Variants in MINDY3 observed in about 807,000 individuals in gnomAD.
MINDY3 encodes the protein ubiquitin carboxyl-terminal hydrolase MINDY-3.
Under a neutral mutation model 69.2 loss-of-function variants are expected in MINDY3, and 38 were observed. The observed-to-expected ratio is 0.55, with a 90% CI of 0.42 to 0.72. The LOEUF is 0.72. Ranked by LOEUF, MINDY3 falls within the 30% of genes least tolerant of loss-of-function variation. The probability of loss-of-function intolerance (pLI) is 0.00; values close to 1 mark genes in which losing one functional copy is unlikely to be tolerated. For synonymous variants in MINDY3, 192 were observed against 180.1 expected (o/e 1.07, Z -0.53); for missense variants, 522 against 519.0 (o/e 1.01, Z -0.06).
At chr10:15,858,521 G>A (rs1253678899) in intron 1 of MINDY3, among the ~76,000 whole-genome samples, 1 of 152,180 alleles carries the variant, frequency 6.6e-6, no homozygotes, top group Non-Finnish European at 1.5e-5. Context: ...CAGATAGTGT[G>A]CTAAGCACCT....
At chr10:15,818,611 A>AGAT (rs1839537696) in intron 9 of MINDY3, among the ~76,000 whole-genome samples, 2 of 152,228 alleles carry the variant, frequency 1.3e-5, no homozygotes, top group Admixed American at 6.5e-5. Context: ...ACTGATGAAC[A>AGAT]GATAAAATTG....
chr10:15,837,158 T>A (rs1394557530), intron 6 of MINDY3, 46 bp downstream of exon 6: 2 of 1,094,688 alleles, frequency 1.8e-6, no homozygotes, highest in Non-Finnish European at 2.7e-6. Context: ...AAAACAGCAC[T>A]GAACAACATT....
intron 2 of MINDY3, among the ~76,000 whole-genome samples, chr10:15,844,933 C>A (rs1833725177): frequency 6.6e-6 from 1 of 152,142 alleles, no homozygotes; most frequent in African/African-American, 2.4e-5. Context: ...AAGCATCATT[C>A]CACCTGTTAT....
intron 8 of MINDY3, among the ~76,000 whole-genome samples, chr10:15,826,495 T>C (rs1328065038): frequency 1.3e-5 from 2 of 152,194 alleles, no homozygotes; most frequent in South Asian, 2.1e-4. Flanking sequence ...TGTAAAGATA[T>C]AATTTCCTCA....
At chr10:15,785,680 A>G (rs1836900585) in intron 13 of MINDY3, among the ~76,000 whole-genome samples, 1 of 152,184 alleles carries the variant, frequency 6.6e-6, no homozygotes, top group Non-Finnish European at 1.5e-5. Context: ...ACATTGTGAT[A>G]TCCTCAGTTA....
At chr10:15,796,880 G>A (rs916246473) in intron 10 of MINDY3, among the ~76,000 whole-genome samples, 4 of 151,982 alleles carry the variant, frequency 2.6e-5, no homozygotes, top group Admixed American at 6.6e-5. Flanking sequence ...AAGCCATTAT[G>A]AAATTCTACT....
chr10:15,834,581 T>G lies in MINDY3; in HGVS notation c.612A>C (p.Ala204=). Reference sequence around the variant, plus strand: ...ATACAGGATCTATCAAGGGTTCACTTGCATCTTCAATTTCGTTTTTTATGT... The same window carrying G: ...ATACAGGATCTATCAAGGGTTCACTGGCATCTTCAATTTCGTTTTTTATGT... ...IENIKNEIED[A]SEPLIDPVYG... Residue 204 remains alanine (A), a synonymous_variant, in exon 7 of 15, where the codon GCA becomes GCC. Coordinates refer to ENST00000277632, the MANE Select transcript of MINDY3 (RefSeq NM_024948.4). 3.1e-6 allele frequency: 5 copies of G among 1,612,010 alleles called. No homozygotes were observed. Among genetic ancestry groups the G allele is most frequent in the Non-Finnish European group, 4.2e-6 (5 of 1,178,692 alleles).
At chr10:15,812,324 T>C (rs1174138465) in intron 10 of MINDY3, among the ~76,000 whole-genome samples, 4 of 152,228 alleles carry the variant, frequency 2.6e-5, no homozygotes, top group Non-Finnish European at 5.9e-5. Context: ...ATTCATGTGT[T>C]AAATATTACT....
chr10:15,821,538 G>A lies in MINDY3; in HGVS notation c.801+118C>T, dbSNP rs72781880. The A allele has an allele frequency of 5.8e-5, 38 of 658,400 alleles. No homozygotes were observed. The African/African-American group carries it at 6.4e-4, about 11-fold the overall frequency. The allele number at this position is 658,400 out of a possible 1,614,324, so 40.8% of individuals were successfully genotyped here. ...TAGGGTGGGGGATAGGAAGGAAGAAGAGAGCGGTACTGAACCATAGTGCTG... is the reference window on the plus strand; with the variant it reads ...TAGGGTGGGGGATAGGAAGGAAGAAAAGAGCGGTACTGAACCATAGTGCTG... On this transcript the variant is annotated intron_variant, in intron 9 of 14. Transcript: ENST00000277632.
At chr10:15,825,841 T>C (rs551074403) in intron 8 of MINDY3, among the ~76,000 whole-genome samples, 25 of 152,302 alleles carry the variant, frequency 1.6e-4, no homozygotes, top group African/African-American at 6.0e-4. Flanking sequence ...GTAATACTGA[T>C]TTCTTTTTAT....
Position 15,841,443 on chromosome 10 carries a change from C to A in MINDY3, c.392G>T (p.Cys131Phe). The A allele has an allele frequency of 6.2e-7, 1 of 1,609,714 alleles. No homozygotes were observed. The highest frequency in any genetic ancestry group is 8.5e-7 in the Non-Finnish European group (1 of 1,177,796). The part of the protein sequence containing the change: ...SISGSPAESS[C>F]QVEHSSALAV... ...TATCTTACAAGAATGTTCCACTTGG[C>A]AACTAGACTCTGCAGGACTCCCAGA... Residue 131 changes from cysteine (C) to phenylalanine (F), a missense_variant, in exon 4 of 15, where the codon TGC becomes TTC. Cys to Phe is a radical substitution (Grantham distance 205). Transcript: ENST00000277632.
intron 8 of MINDY3, among the ~76,000 whole-genome samples, chr10:15,828,598 A>C (rs1037828201): frequency 6.6e-6 from 1 of 152,098 alleles, no homozygotes; most frequent in African/African-American, 2.4e-5. Context: ...AAAAATTAAC[A>C]GATGCCTAAA....
chr10:15,802,228 A>G (rs1838316613), intron 10 of MINDY3, among the ~76,000 whole-genome samples: 3 of 152,050 alleles, frequency 2.0e-5, no homozygotes, highest in African/African-American at 7.2e-5. Flanking sequence ...TCAAGGGTCA[A>G]TTATGTTTTC....
intron 1 of MINDY3, 29 bp downstream of exon 1, chr10:15,860,177 C>A: frequency 6.5e-7 from 1 of 1,540,024 alleles, no homozygotes. Flanking sequence ...GAAGCAGCGG[C>A]TGCAAGTGTG....
At chr10:15,833,770 T>C (rs1832894014) in intron 7 of MINDY3, 61 bp from the exon 8 acceptor site, 1 of 1,036,078 alleles carries the variant, frequency 9.7e-7, no homozygotes, top group Admixed American at 1.7e-5. Flanking sequence ...AAATAATTCC[T>C]ACAGCAAAGT....
At chr10:15,815,179 A>C (rs1209496863) in intron 10 of MINDY3, among the ~76,000 whole-genome samples, 3 of 152,228 alleles carry the variant, frequency 2.0e-5, no homozygotes, top group Non-Finnish European at 2.9e-5. Context: ...CTCAGGAATT[A>C]GTAATTGTCA....
chr10:15,802,125 AC>A (rs1021457473), intron 10 of MINDY3, among the ~76,000 whole-genome samples: 44 of 152,064 alleles, frequency 2.9e-4, no homozygotes, highest in African/African-American at 1.1e-3. Flanking sequence ...CCAGCCAACA[AC>A]TGGCTACTAG....
chr10:15,815,870 T>C (rs572010230), intron 10 of MINDY3, among the ~76,000 whole-genome samples: 12 of 152,310 alleles, frequency 7.9e-5, no homozygotes, highest in African/African-American at 2.9e-4. Flanking sequence ...ACCAAAGTCG[T>C]CTGAGGCCAA....
chr10:15,818,579 C>T (rs969946566), intron 9 of MINDY3, among the ~76,000 whole-genome samples: 2 of 152,070 alleles, frequency 1.3e-5, no homozygotes, highest in Admixed American at 6.5e-5. Context: ...CTAGTCATAA[C>T]AGCTAAAGTA....
Sources: gnomAD v4.1 joint callset for allele counts (sites outside exome capture counted in the v4.1 genomes callset) on GRCh38, gnomAD v4.1.1 for gene constraint, MANE v1.5 for transcripts, NCBI Gene and HGNC (gene_info 2026-07-23, HGNC 2026-07-21) for gene names.